JAZF1: variants seen among roughly 807,000 people sequenced by gnomAD.
The protein encoded by JAZF1 is JAZF zinc finger 1, also known as juxtaposed with another zinc finger protein 1.
In JAZF1, 8 loss-of-function variants were observed where a neutral mutation model predicts 26.4. The observed-to-expected ratio is 0.30, with a 90% CI of 0.18 to 0.55. The LOEUF is 0.55. Ranked by LOEUF, JAZF1 falls within the 20% of genes least tolerant of loss-of-function variation. The pLI is 0.94. For missense variants in JAZF1, 199 were observed against 322.0 expected (o/e 0.62, Z 2.92); for synonymous variants, 126 against 122.3 (o/e 1.03, Z -0.20).
intron 1 of JAZF1, among the ~76,000 whole-genome samples, chr7:28,094,149 GT>G (rs1395049838): frequency 1.3e-5 from 2 of 152,342 alleles, no homozygotes; most frequent in East Asian, 3.9e-4. Context: ...AATCAGCAAT[GT>G]AACCCTCTGA....
intron 3 of JAZF1, among the ~76,000 whole-genome samples, chr7:27,858,355 T>G (rs1352860885): frequency 6.6e-6 from 1 of 152,186 alleles, no homozygotes; most frequent in Admixed American, 6.5e-5. Context: ...TACCATTGAC[T>G]TTCTTCACAT....
intron 2 of JAZF1, among the ~76,000 whole-genome samples, chr7:27,971,700 G>A (rs901426067): frequency 2.0e-5 from 3 of 152,120 alleles, no homozygotes; most frequent in African/African-American, 7.2e-5. Flanking sequence ...ATTACTGCCG[G>A]CAATCTGAAT....
intron 2 of JAZF1, among the ~76,000 whole-genome samples, chr7:27,949,737 C>T (rs935351536): frequency 2.0e-5 from 3 of 152,192 alleles, no homozygotes; most frequent in Non-Finnish European, 2.9e-5. Context: ...CACTCTACCC[C>T]AGGCAACGGA....
intron 1 of JAZF1, among the ~76,000 whole-genome samples, chr7:28,077,195 T>C (rs1013431960): frequency 5.9e-5 from 9 of 152,148 alleles, no homozygotes; most frequent in African/African-American, 2.2e-4. Context: ...ACTGGGAGGA[T>C]TTACTCAATG....
intron 1 of JAZF1, chr7:28,020,595 C>A (rs1430723813): frequency 2.5e-5 from 12 of 471,120 alleles, no homozygotes; most frequent in Non-Finnish European, 5.3e-5. Context: ...CGTACAACAA[C>A]CATGTCTTCA....
chr7:27,833,579 G>A (rs368467025), intron 4 of JAZF1, among the ~76,000 whole-genome samples: 30 of 152,160 alleles, frequency 2.0e-4, no homozygotes, highest in Admixed American at 3.9e-4. Context: ...TGTCCCCGCC[G>A]TACAGTTGTA....
intron 2 of JAZF1, among the ~76,000 whole-genome samples, chr7:27,954,529 G>A (rs1472577634): frequency 6.6e-6 from 1 of 152,144 alleles, no homozygotes; most frequent in Non-Finnish European, 1.5e-5. Context: ...TACTCCAGCA[G>A]CTTTTCAATA....
At chr7:28,041,576 G>A (rs1355159165) in intron 1 of JAZF1, among the ~76,000 whole-genome samples, 1 of 152,058 alleles carries the variant, frequency 6.6e-6, no homozygotes, top group Admixed American at 6.6e-5. Flanking sequence ...TCCAAGACAT[G>A]TTTGTGTCTG....
intron 1 of JAZF1, among the ~76,000 whole-genome samples, chr7:28,166,391 C>G (rs1231631217): frequency 6.6e-6 from 1 of 152,172 alleles, no homozygotes. Context: ...TGTAACATTT[C>G]AAGGACTATT....
chr7:28,080,597 A>T (rs1784119389), intron 1 of JAZF1, among the ~76,000 whole-genome samples: 1 of 152,198 alleles, frequency 6.6e-6, no homozygotes, highest in Non-Finnish European at 1.5e-5. Context: ...TTGAACACTT[A>T]CAGGTCATCA....
chr7:28,028,082 C>T (rs981782270), intron 1 of JAZF1, among the ~76,000 whole-genome samples: 1 of 152,178 alleles, frequency 6.6e-6, no homozygotes, highest in African/African-American at 2.4e-5. Context: ...TCAGGAACTG[C>T]TCTGCAAGGC....
At chr7:28,174,449 G>A (rs999197229) in intron 1 of JAZF1, among the ~76,000 whole-genome samples, 1 of 152,128 alleles carries the variant, frequency 6.6e-6, no homozygotes. Context: ...GAAGAATTGG[G>A]TTTTCTCAAA....
intron 2 of JAZF1, among the ~76,000 whole-genome samples, chr7:27,926,585 A>C (rs1308651580): frequency 2.6e-5 from 4 of 152,204 alleles, no homozygotes; most frequent in Non-Finnish European, 5.9e-5. Flanking sequence ...TCTCTCATTC[A>C]TTGCCTTCAA....
At chr7:28,110,531 G>A (rs564276916) in intron 1 of JAZF1, among the ~76,000 whole-genome samples, 82 of 50,502 alleles carry the variant, frequency 1.6e-3, no homozygotes, top group Middle Eastern at 0.013. Flanking sequence ...AAAAGGAAAA[G>A]GAAAGGAAAA....
In JAZF1 at chr7:28,016,255, G is replaced by A. The variant is rs555421440; in HGVS notation, c.116-24274C>T. ...AGGTCAGCCTGGAGCTCTTGATGAT[G>A]CATCAAGTCACTTACTTACCTCTTT... is the stretch of plus-strand genomic sequence containing the variant. On this transcript the variant is annotated intron_variant, in intron 1 of 4. Coordinates refer to ENST00000283928, the MANE Select transcript of JAZF1 (RefSeq NM_175061.4). 5.3e-5 allele frequency among the ~76,000 whole-genome samples: 8 copies of A among 152,294 alleles called. No individual in the cohort carries two copies. The East Asian group carries it at 1.5e-3, about 29-fold the overall frequency.
At chr7:27,977,865 G>A (rs1785503686) in intron 2 of JAZF1, among the ~76,000 whole-genome samples, 1 of 152,180 alleles carries the variant, frequency 6.6e-6, no homozygotes, top group African/African-American at 2.4e-5. Context: ...AGACAGCGAG[G>A]GCCAGGTAGG....
rs114283625 is a variant in JAZF1 at position 28,143,108 on chromosome 7, T to G, written c.115+37355A>C. On this transcript the variant is annotated intron_variant, in intron 1 of 4. Coordinates refer to ENST00000283928, the MANE Select transcript of JAZF1 (RefSeq NM_175061.4). ...TTGTTTAAGCCTAGGTCCAACCCTC[T>G]GGGTCTAGTCTCACCTTCCACAACT... Among the ~76,000 whole-genome samples the G allele has an allele frequency of 2.8e-3, 431 of 152,304 alleles. 2 individuals carry two copies. Among genetic ancestry groups the G allele is most frequent in the African/African-American group, 9.9e-3 (412 of 41,574 alleles).
intron 3 of JAZF1, 140 bp from the exon 4 acceptor site, chr7:27,841,007 G>A: frequency 1.3e-6 from 1 of 767,968 alleles, no homozygotes; most frequent in Non-Finnish European, 2.1e-6. Flanking sequence ...GGCACCAGGG[G>A]ACTGCAAACA....
At position 28,023,020 on chromosome 7, in the gene JAZF1, C is replaced by T. The variant is rs763857383; in HGVS notation, c.116-31039G>A. On this transcript the variant is annotated intron_variant, in intron 1 of 4. Coordinates refer to ENST00000283928, the MANE Select transcript of JAZF1 (RefSeq NM_175061.4). ...CTTTATTCTCTAGAGGTCGGTGCTTCGTGAGGATACAAGACAAACACACAG... is the reference window on the plus strand; with the variant it reads ...CTTTATTCTCTAGAGGTCGGTGCTTTGTGAGGATACAAGACAAACACACAG... Among the ~76,000 whole-genome samples, 5 of 152,208 alleles carry T rather than the reference C, an allele frequency of 3.3e-5. No individual in the cohort carries two copies. In the East Asian group the frequency reaches 5.8e-4, roughly 18 times the overall value.
Sources: gnomAD v4.1 joint callset for allele counts (sites outside exome capture counted in the v4.1 genomes callset) on GRCh38, gnomAD v4.1.1 for gene constraint, MANE v1.5 for transcripts, NCBI Gene and HGNC (gene_info 2026-07-23, HGNC 2026-07-21) for gene names.